The following NCAN variants were observed in gnomAD, a reference collection of about 807,000 sequenced individuals.
NCAN encodes the protein neurocan core protein.
In NCAN, 47 loss-of-function variants were observed where a neutral mutation model predicts 121.8. The observed-to-expected ratio is 0.39, with a 90% CI of 0.31 to 0.49. The LOEUF (loss-of-function observed/expected upper bound fraction) is 0.49, where lower values mean the gene tolerates loss of function less well. Ranked by LOEUF, NCAN falls within the 20% of genes least tolerant of loss-of-function variation. NCAN has a pLI of 0.92. For missense variants in NCAN, 1,517 were observed against 1,773.4 expected, an observed-to-expected ratio of 0.86 and a Z score of 2.60; for synonymous variants, 633 against 702.0, an observed-to-expected ratio of 0.90 and a Z score of 1.55.
rs2060829586 is a variant in NCAN, at chr19:19,224,871, A to C, written c.779-106A>C. 5.8e-6 allele frequency: 6 copies of C among 1,039,046 alleles called. No homozygotes were observed. In the South Asian group the frequency reaches 1.3e-4, roughly 22 times the overall value. 64.4% of individuals were successfully genotyped at this position (1,039,046 alleles called of 1,614,324 possible). On this transcript the variant is annotated intron_variant, in intron 5 of 14. Transcript: ENST00000252575. ...GCGGTTGTCACCGCCTCTTCTAACC[A>C]CCACCCTAACACGTCCAGGTCGGAA...
intron 8 of NCAN, among the ~76,000 whole-genome samples, chr19:19,230,713 A>G (rs1599815690): frequency 9.4e-6 from 1 of 106,740 alleles, no homozygotes; most frequent in African/African-American, 3.5e-5. Context: ...TTGGGGTGGG[A>G]TCTTTTTTTT....
intron 1 of NCAN, among the ~76,000 whole-genome samples, chr19:19,213,378 G>T (rs1042426558): frequency 7.2e-5 from 11 of 151,838 alleles, no homozygotes; most frequent in Admixed American, 7.2e-4. Flanking sequence ...TCACCATGTG[G>T]CAAAATGATG....
Position 19,219,156 on chromosome 19 carries a change from A to G in NCAN, c.315A>G (p.Lys105=). The change falls in exon 3 of 15, where the codon AAA becomes AAG. Residue 105 remains lysine (K), a synonymous_variant. Transcript: ENST00000252575. ...VAKDNVVRVA[K]SWQGRVSLPS... ...AGGACAATGTCGTGAGGGTGGCCAA[A>G]AGCTGGCAGGGACGAGTGTCACTGC... is the stretch of plus-strand genomic sequence containing the variant. The G allele has an allele frequency of 6.2e-7, 1 of 1,613,834 alleles. No homozygotes were observed. Among genetic ancestry groups the G allele is most frequent in the Non-Finnish European group, 8.5e-7 (1 of 1,180,018 alleles).
intron 13 of NCAN, 40 bp from the exon 14 acceptor site, chr19:19,248,660 G>A: frequency 6.3e-7 from 1 of 1,585,632 alleles, no homozygotes; most frequent in Non-Finnish European, 8.6e-7. Flanking sequence ...TTTAGCCCCA[G>A]ATGTGAGCAC....
chr19:19,247,179 G>C (rs971871929), intron 13 of NCAN, among the ~76,000 whole-genome samples: 2 of 151,554 alleles, frequency 1.3e-5, no homozygotes, highest in Non-Finnish European at 2.9e-5. Flanking sequence ...TTGAACTCCA[G>C]GGCTCAAGTG....
intron 1 of NCAN, among the ~76,000 whole-genome samples, chr19:19,213,660 G>GT (rs1371880690): frequency 6.6e-6 from 1 of 152,136 alleles, no homozygotes; most frequent in African/African-American, 2.4e-5. Flanking sequence ...GTGCGTGGCT[G>GT]TGTGTGTCCC....
At chr19:19,229,451 AATTCGG>A (rs917719161) in intron 8 of NCAN, among the ~76,000 whole-genome samples, 3 of 152,170 alleles carry the variant, frequency 2.0e-5, no homozygotes, top group African/African-American at 7.2e-5. Context: ...TGGGAGCTGG[AATTCGG>A]TGATTTGACT....
chr19:19,244,677 G>C (rs1025693944), intron 12 of NCAN, among the ~76,000 whole-genome samples: 1 of 150,946 alleles, frequency 6.6e-6, no homozygotes, highest in Non-Finnish European at 1.5e-5. Context: ...CCTGGACTTC[G>C]GGCTGAGATC....
chr19:19,227,113 T>A lies in NCAN; in HGVS notation c.1660+40T>A. 6.7e-7 allele frequency: 1 copy of A among 1,499,890 alleles called. No individual in the cohort carries two copies. The highest frequency in any genetic ancestry group is 8.9e-7 in the Non-Finnish European group (1 of 1,126,352). 92.9% of individuals were successfully genotyped at this position (1,499,890 alleles called of 1,614,324 possible). On this transcript the variant is annotated intron_variant, in intron 7 of 14. Coordinates refer to ENST00000252575, the MANE Select transcript of NCAN (RefSeq NM_004386.3). The surrounding 1 kb of genome is among the most constrained non-coding windows in gnomAD (Gnocchi z 4.2). ...GGGAGGCGGGACCTACCTGGGGATCTGGAGGTGAGGGTAGAGAGGTAGCCA... is the reference window on the plus strand; with the variant it reads ...GGGAGGCGGGACCTACCTGGGGATCAGGAGGTGAGGGTAGAGAGGTAGCCA...
chr19:19,251,184 C>G lies in NCAN; in HGVS notation c.*1273C>G, dbSNP rs1047550337. ...AGCAGTCCGGGTAAAATCTGTGGAT[C>G]AGGGTTAAAAAAGCACCGTGGAGAA... On this transcript the variant is annotated 3_prime_UTR_variant, in exon 15 of 15. Coordinates refer to ENST00000252575, the MANE Select transcript of NCAN (RefSeq NM_004386.3). 1 of 152,072 alleles carries G rather than the reference C, an allele frequency of 6.6e-6. No homozygotes were observed. Among genetic ancestry groups the G allele is most frequent in the African/African-American group, 2.4e-5 (1 of 41,406 alleles). The allele number at this position is 152,072 out of a possible 1,614,324, so 9.4% of individuals were successfully genotyped here.
chr19:19,244,235 A>T (rs918531247), intron 12 of NCAN, among the ~76,000 whole-genome samples: 2 of 151,230 alleles, frequency 1.3e-5, no homozygotes, highest in Non-Finnish European at 2.9e-5. Flanking sequence ...GAACAAGTTC[A>T]GTCCTGCCTC....
At chr19:19,232,377 C>T (rs1292013662) in intron 8 of NCAN, among the ~76,000 whole-genome samples, 2 of 152,226 alleles carry the variant, frequency 1.3e-5, no homozygotes, top group African/African-American at 2.4e-5. Flanking sequence ...GTCAGCAGCG[C>T]GGGGCACCTG....
Position 19,212,442 on chromosome 19 carries a change from C to A in NCAN, c.-8+378C>A, listed in dbSNP as rs2060778762. Reference sequence around the variant, plus strand: ...CCGAATGGGGGACTCTGGAACAGGGCACCCCCGTATCTCAGCCGAGACACC... The same window carrying A: ...CCGAATGGGGGACTCTGGAACAGGGAACCCCCGTATCTCAGCCGAGACACC... On this transcript the variant is annotated intron_variant, in intron 1 of 14. Transcript: ENST00000252575. This position sits in a 1 kb window ranked among gnomAD's most constrained non-coding sequence, Gnocchi z 4.5. Among the ~76,000 whole-genome samples, 2 of 151,908 alleles carry A rather than the reference C, an allele frequency of 1.3e-5. No individual in the cohort carries two copies. Among genetic ancestry groups the A allele is most frequent in the Non-Finnish European group, 2.9e-5 (2 of 67,950 alleles).
chr19:19,241,505 C>T (rs1337467615), intron 12 of NCAN, among the ~76,000 whole-genome samples: 1 of 151,914 alleles, frequency 6.6e-6, no homozygotes, highest in African/African-American at 2.4e-5. Context: ...AAAAATTCCC[C>T]TTCTCCCGCT....
intron 12 of NCAN, among the ~76,000 whole-genome samples, chr19:19,241,067 C>A (rs1012183189): frequency 1.3e-5 from 2 of 151,832 alleles, no homozygotes; most frequent in Admixed American, 1.3e-4. Context: ...ACTAGCCTGG[C>A]CAACATGGTG....
chr19:19,244,937 C>T (rs1372221476), intron 12 of NCAN, among the ~76,000 whole-genome samples: 1 of 151,806 alleles, frequency 6.6e-6, no homozygotes, highest in Non-Finnish European at 1.5e-5. Context: ...GTCTTGAACT[C>T]CTGACCTCAG....
At chr19:19,232,986 C>G (rs1470411096) in intron 8 of NCAN, 1 of 151,888 alleles carries the variant, frequency 6.6e-6, no homozygotes, top group Non-Finnish European at 1.5e-5. Flanking sequence ...GTCACCCAGG[C>G]TGGAGGCGCG....
Position 19,240,585 on chromosome 19 carries a change from C to T in NCAN, c.3410-18C>T. On this transcript the variant is annotated intron_variant, in intron 11 of 14. Transcript: ENST00000252575. The stretch of plus-strand genomic sequence containing the variant: ...AGGCATGGGTGAACACCCAGACCCA[C>T]AACCCCCGACCCTGCAGGCTTTGGG... The T allele has an allele frequency of 6.2e-7, 1 of 1,613,864 alleles. No homozygotes were observed. Among genetic ancestry groups the T allele is most frequent in the African/African-American group, 1.3e-5 (1 of 75,060 alleles).
At chr19:19,240,514 C>T (rs149934818) in intron 11 of NCAN, 89 bp from the exon 12 acceptor site, 3 of 1,311,872 alleles carry the variant, frequency 2.3e-6, no homozygotes, top group African/African-American at 1.5e-5. Flanking sequence ...TCTTTCCTCC[C>T]ACACCCTACC....
Sources: allele counts gnomAD v4.1 joint callset (sites outside exome capture counted in the v4.1 genomes callset), GRCh38; gene constraint gnomAD v4.1.1; non-coding constraint Gnocchi (gnomAD v3.1); transcripts MANE v1.5; gene names NCBI Gene and HGNC (gene_info 2026-07-23, HGNC 2026-07-21).